TMPRSS9: variants seen among roughly 807,000 people sequenced by gnomAD.
TMPRSS9 encodes transmembrane protease serine 9.
In TMPRSS9, 113 loss-of-function variants were observed where a neutral mutation model predicts 111.4. The observed-to-expected ratio is 1.01, with a 90% CI of 0.87 to 1.19. The LOEUF is 1.19. Ranked by LOEUF, TMPRSS9 falls within the 50% of genes most tolerant of loss-of-function variation. The pLI is 0.00. For missense variants in TMPRSS9, 1,803 were observed against 1,513.1 expected, an observed-to-expected ratio of 1.19 and a Z score of -3.18; for synonymous variants, 805 against 659.1, an observed-to-expected ratio of 1.22 and a Z score of -3.39.
chr19:2,378,009 A>G (rs1346500416), intron 1 of TMPRSS9, among the ~76,000 whole-genome samples: 1 of 151,680 alleles, frequency 6.6e-6, no homozygotes, highest in East Asian at 2.0e-4. Flanking sequence ...TGAGTAGCTG[A>G]GACTACTGGC....
At chr19:2,404,946 A>G (rs538850490) in intron 6 of TMPRSS9, among the ~76,000 whole-genome samples, 1 of 152,074 alleles carries the variant, frequency 6.6e-6, no homozygotes, top group Non-Finnish European at 1.5e-5. Flanking sequence ...AAAAAAAAAA[A>G]AAATCAAAGA....
intron 1 of TMPRSS9, among the ~76,000 whole-genome samples, chr19:2,393,175 C>G (rs974603156): frequency 6.6e-6 from 1 of 152,144 alleles, no homozygotes; most frequent in Non-Finnish European, 1.5e-5. Context: ...GACCTTTTCA[C>G]AGTGTAGAGG....
chr19:2,379,969 G>A lies in TMPRSS9; in HGVS notation c.-25-9792G>A, dbSNP rs193193911. Among the ~76,000 whole-genome samples the A allele has an allele frequency of 5.3e-3, 808 of 151,768 alleles. 18 individuals carry two copies. Among genetic ancestry groups the A allele is most frequent in the Admixed American group, 0.043 (660 of 15,174 alleles). On this transcript the variant is annotated intron_variant, in intron 1 of 17. Transcript: ENST00000649857. ...TTATTATGTTGCCCAAGCTGGTCTC[G>A]ACCTCCCATAGTGCTCAGCCTCCCA...
In TMPRSS9 at chr19:2,392,996, C is replaced by T. The variant is rs189591511; in HGVS notation, c.142+3069C>T. Among the ~76,000 whole-genome samples, 76 of 152,210 alleles carry T rather than the reference C, an allele frequency of 5.0e-4. No individual in the cohort carries two copies. In the Middle Eastern group the frequency reaches 0.014, roughly 27 times the overall value. On this transcript the variant is annotated intron_variant, in intron 1 of 17. Coordinates refer to ENST00000648592, the Ensembl canonical transcript of TMPRSS9. ...ACCAATCAGCACCCTGCGTCTAGCTCAGGGATTGTAAACACACCAATCAGC... is the reference window on the plus strand; with the variant it reads ...ACCAATCAGCACCCTGCGTCTAGCTTAGGGATTGTAAACACACCAATCAGC...
intron 1 of TMPRSS9, chr19:2,396,332 C>A: frequency 1.8e-6 from 1 of 559,406 alleles, no homozygotes; most frequent in Non-Finnish European, 2.9e-6. Flanking sequence ...TAGAATTCGG[C>A]TCCAAACCAG....
At chr19:2,390,197 T>C (rs1438111887) in intron 1 of TMPRSS9, among the ~76,000 whole-genome samples, 1 of 151,114 alleles carries the variant, frequency 6.6e-6, no homozygotes, top group African/African-American at 2.4e-5. Context: ...GACCTTGTTT[T>C]AAATTTTGGC....
At chr19:2,412,959 T>A (rs1420455992) in intron 9 of TMPRSS9, among the ~76,000 whole-genome samples, 1 of 151,950 alleles carries the variant, frequency 6.6e-6, no homozygotes, top group Non-Finnish European at 1.5e-5. Flanking sequence ...TTTGGGAGGC[T>A]GAGGTGGGCA....
In TMPRSS9 at chr19:2,413,695, C is replaced by G. The variant is rs780006691; in HGVS notation, c.1255-5C>G. On this transcript the variant is annotated splice_polypyrimidine_tract_variant and splice_region_variant and intron_variant, in intron 9 of 17. Transcript: ENST00000648592. ...CCATCCTGAGGGTGTGTGTTGGTTTCCTAGGGTGACTCAGGAGGACCCCTG... is the reference window on the plus strand; with the variant it reads ...CCATCCTGAGGGTGTGTGTTGGTTTGCTAGGGTGACTCAGGAGGACCCCTG... 1.9e-6 allele frequency: 3 copies of G among 1,598,054 alleles called. No homozygotes were observed. The East Asian group carries it at 6.8e-5, about 36-fold the overall frequency.
At chr19:2,360,865 C>T (rs1416142014) in intron 1 of TMPRSS9, among the ~76,000 whole-genome samples, 1 of 148,754 alleles carries the variant, frequency 6.7e-6, no homozygotes, top group South Asian at 2.2e-4. Context: ...GATTTCTAGA[C>T]GAGGCCAGGC....
At chr19:2,410,141 T>C in intron 8 of TMPRSS9, 117 bp from the exon 10 acceptor site, 1 of 1,458,548 alleles carries the variant, frequency 6.9e-7, no homozygotes, top group Admixed American at 1.9e-5. Context: ...GTGGCCATGC[T>C]TGGAGCTGGG....
chr19:2,390,289 G>A (rs1370234526), intron 1 of TMPRSS9, among the ~76,000 whole-genome samples: 3 of 90,596 alleles, frequency 3.3e-5, no homozygotes, highest in East Asian at 2.6e-4. Flanking sequence ...CGCCCAGGCT[G>A]GAGTGCAGTG....
At chr19:2,424,237 G>A in exon 15 of TMPRSS9, 1 of 1,403,612 alleles carries the variant, frequency 7.1e-7, no homozygotes, top group Non-Finnish European at 9.4e-7. Context: ...GGCTGCTGTC[G>A]GCGGCGCACT....
intron 1 of TMPRSS9, among the ~76,000 whole-genome samples, chr19:2,391,853 T>C (rs1000790687): frequency 6.6e-6 from 1 of 151,214 alleles, no homozygotes; most frequent in Non-Finnish European, 1.5e-5. Flanking sequence ...GCGATTCTCC[T>C]GCCTCAGCCT....
intron 5 of TMPRSS9, 98 bp from the exon 7 acceptor site, chr19:2,402,984 C>T (rs1970883706): frequency 3.5e-6 from 3 of 847,002 alleles, no homozygotes; most frequent in Non-Finnish European, 5.8e-6. Context: ...AGAGTTTCCA[C>T]ATTTCCGTAC....
chr19:2,425,732 G>A, intron 17 of TMPRSS9, 195 bp from the exon 19 acceptor site: 2 of 1,139,486 alleles, frequency 1.8e-6, no homozygotes, highest in Non-Finnish European at 2.4e-6. Flanking sequence ...GCAGTGGGAG[G>A]CACCGTTCCA....
intron 1 of TMPRSS9, among the ~76,000 whole-genome samples, chr19:2,366,618 G>A (rs1286800860): frequency 6.6e-6 from 1 of 151,286 alleles, no homozygotes. Context: ...AGCACTTTGG[G>A]AGGCTGAGGA....
intron 1 of TMPRSS9, among the ~76,000 whole-genome samples, chr19:2,390,465 G>C (rs891411315): frequency 6.7e-6 from 1 of 148,568 alleles, no homozygotes; most frequent in Non-Finnish European, 1.5e-5. Flanking sequence ...GGATGGTCTC[G>C]ATCTCCTGAC....
intron 8 of TMPRSS9, among the ~76,000 whole-genome samples, chr19:2,409,030 A>ATG (rs1971039717): frequency 4.0e-5 from 5 of 125,366 alleles, no homozygotes; most frequent in Admixed American, 7.6e-5. Context: ...TAATAATAAT[A>ATG]ATGATGATGC....
At chr19:2,365,966 A>G (rs140058019) in intron 1 of TMPRSS9, among the ~76,000 whole-genome samples, 27 of 152,064 alleles carry the variant, frequency 1.8e-4, no homozygotes, top group African/African-American at 6.3e-4. Flanking sequence ...TCTGTCTCAA[A>G]ATAAATAAAT....
Sources: gnomAD v4.1 joint callset for allele counts (sites outside exome capture counted in the v4.1 genomes callset) on GRCh38, gnomAD v4.1.1 for gene constraint, MANE v1.5 for transcripts, NCBI Gene and HGNC (gene_info 2026-07-23, HGNC 2026-07-21) for gene names.